Variants in SRBD1 observed in about 807,000 individuals in gnomAD.
The protein encoded by SRBD1 is S1 RNA binding domain 1.
In SRBD1, 88 loss-of-function variants were observed where a neutral mutation model predicts 115.3. That is an observed-to-expected ratio of 0.76 (90% confidence interval 0.64 to 0.91). The LOEUF is 0.91. Ranked by LOEUF, SRBD1 falls within the 40% of genes least tolerant of loss-of-function variation. The pLI is 0.00. For synonymous variants in SRBD1, 509 were observed against 407.7 expected (o/e 1.25, Z -2.99); for missense variants, 1,385 against 1,177.4 (o/e 1.18, Z -2.58).
At chr2:45,531,874 C>G (rs1671623439) in intron 14 of SRBD1, among the ~76,000 whole-genome samples, 1 of 151,786 alleles carries the variant, frequency 6.6e-6, no homozygotes, top group Admixed American at 6.6e-5. Flanking sequence ...AAAGAATAAA[C>G]AGGCTGGAAG....
At chr2:45,517,329 A>C (rs1286766823) in intron 14 of SRBD1, among the ~76,000 whole-genome samples, 1 of 152,302 alleles carries the variant, frequency 6.6e-6, no homozygotes, top group East Asian at 1.9e-4. Context: ...ATTGCTTTGT[A>C]ATATGTTTAA....
intron 14 of SRBD1, among the ~76,000 whole-genome samples, chr2:45,491,846 G>A (rs754107511): frequency 6.6e-6 from 1 of 152,078 alleles, no homozygotes; most frequent in Non-Finnish European, 1.5e-5. Flanking sequence ...TTTTGAGACA[G>A]AGTCTCACTC....
intron 16 of SRBD1, among the ~76,000 whole-genome samples, chr2:45,466,428 T>A (rs981516927): frequency 2.0e-5 from 3 of 152,128 alleles, no homozygotes; most frequent in Non-Finnish European, 2.9e-5. Flanking sequence ...CTCCTCCCAG[T>A]GACATTCAAC....
chr2:45,457,346 G>C (rs968715333), intron 16 of SRBD1, among the ~76,000 whole-genome samples: 3 of 151,982 alleles, frequency 2.0e-5, no homozygotes, highest in South Asian at 4.1e-4. Flanking sequence ...CTACTAAAGT[G>C]CTTTGAAAAT....
intron 4 of SRBD1, among the ~76,000 whole-genome samples, chr2:45,595,063 C>G (rs1370584976): frequency 6.6e-6 from 1 of 152,198 alleles, no homozygotes; most frequent in Non-Finnish European, 1.5e-5. Context: ...CATTAGAACA[C>G]TTATCCTATT....
At chr2:45,610,724 G>C (rs1674419359) in intron 1 of SRBD1, among the ~76,000 whole-genome samples, 1 of 152,178 alleles carries the variant, frequency 6.6e-6, no homozygotes, top group Admixed American at 6.5e-5. Flanking sequence ...ACCGTGAAAA[G>C]GGTGCTTCCT....
intron 16 of SRBD1, among the ~76,000 whole-genome samples, chr2:45,457,344 G>C (rs1318954852): frequency 1.3e-5 from 2 of 151,850 alleles, no homozygotes; most frequent in Non-Finnish European, 2.9e-5. Flanking sequence ...AACTACTAAA[G>C]TGCTTTGAAA....
At chr2:45,459,623 T>G (rs1669254242) in intron 16 of SRBD1, among the ~76,000 whole-genome samples, 2 of 152,152 alleles carry the variant, frequency 1.3e-5, no homozygotes, top group South Asian at 2.1e-4. Context: ...TGAATGAAAT[T>G]TTTTTGATTT....
intron 19 of SRBD1, among the ~76,000 whole-genome samples, chr2:45,402,983 G>C (rs892936646): frequency 2.0e-5 from 3 of 152,100 alleles, no homozygotes; most frequent in Non-Finnish European, 4.4e-5. Context: ...TACTAATATA[G>C]CAGCAATTTT....
intron 16 of SRBD1, among the ~76,000 whole-genome samples, chr2:45,430,868 T>C (rs922593140): frequency 2.6e-5 from 4 of 152,098 alleles, no homozygotes; most frequent in Non-Finnish European, 5.9e-5. Flanking sequence ...ACCTATAGAA[T>C]GGGAGAAAAA....
chr2:45,402,109 C>A (rs1667307497), intron 19 of SRBD1, among the ~76,000 whole-genome samples: 1 of 152,116 alleles, frequency 6.6e-6, no homozygotes, highest in African/African-American at 2.4e-5. Flanking sequence ...CGGCAGGGAG[C>A]TAGGCAGAAC....
At chr2:45,581,917 A>G in intron 5 of SRBD1, 107 bp from the exon 6 acceptor site, 1 of 804,546 alleles carries the variant, frequency 1.2e-6, no homozygotes, top group Non-Finnish European at 2.1e-6. Context: ...AAGGAACTTT[A>G]TTGTCTCTGA....
chr2:45,529,398 T>C (rs1480091386), intron 14 of SRBD1, among the ~76,000 whole-genome samples: 5 of 151,936 alleles, frequency 3.3e-5, no homozygotes, highest in African/African-American at 4.8e-5. Context: ...GCCCAATATG[T>C]TACTGACATA....
At chr2:45,553,592 T>C in intron 11 of SRBD1, 31 bp downstream of exon 11, 1 of 1,416,802 alleles carries the variant, frequency 7.1e-7, no homozygotes, top group South Asian at 1.3e-5. Context: ...CAATAATCAG[T>C]ACACAAAATT....
At chr2:45,409,589 T>C (rs1667537539) in intron 19 of SRBD1, among the ~76,000 whole-genome samples, 1 of 151,044 alleles carries the variant, frequency 6.6e-6, no homozygotes, top group Non-Finnish European at 1.5e-5. Flanking sequence ...TAAAGTTTAA[T>C]ATAGTTACTG....
chr2:45,491,454 C>A (rs1402053576), intron 14 of SRBD1, among the ~76,000 whole-genome samples: 1 of 152,072 alleles, frequency 6.6e-6, no homozygotes, highest in East Asian at 1.9e-4. Context: ...TTTTAACTGC[C>A]ACAGTTGTAA....
At chr2:45,537,634 G>A (rs1276015136) in intron 14 of SRBD1, among the ~76,000 whole-genome samples, 1 of 152,082 alleles carries the variant, frequency 6.6e-6, no homozygotes, top group Non-Finnish European at 1.5e-5. Context: ...TTGGGGGGAG[G>A]GACAAGAGTT....
At chr2:45,399,180 G>A (rs1023737625) in intron 19 of SRBD1, among the ~76,000 whole-genome samples, 2 of 151,990 alleles carry the variant, frequency 1.3e-5, no homozygotes, top group Non-Finnish European at 1.5e-5. Flanking sequence ...AAATGATAAA[G>A]ATTTGCTAAA....
chr2:45,392,986 A>T lies in SRBD1; in HGVS notation c.2657T>A (p.Ile886Lys). The T allele has an allele frequency of 6.2e-7, 1 of 1,613,440 alleles. No homozygotes were observed. The highest frequency in any genetic ancestry group is 8.5e-7 in the Non-Finnish European group (1 of 1,179,610). Residue 886 changes from isoleucine to lysine, a missense_variant, in exon 20 of 21, where the codon ATA becomes AAA. Physicochemically the swap from Ile to Lys is moderately radical, Grantham distance 102. Transcript: ENST00000263736. ...GCTTTCAGGCTGGCTGAGACCATCTATGATGACCTGTAAGGTGTGTACTGT... is the reference window on the plus strand; with the variant it reads ...GCTTTCAGGCTGGCTGAGACCATCTTTGATGACCTGTAAGGTGTGTACTGT... ...QTTVHTLQVI[I>K]DGLSQPESFD...
Sources: gnomAD v4.1 joint callset for allele counts (sites outside exome capture counted in the v4.1 genomes callset) on GRCh38, gnomAD v4.1.1 for gene constraint, MANE v1.5 for transcripts, NCBI Gene and HGNC (gene_info 2026-07-23, HGNC 2026-07-21) for gene names.